RNGTT: variants seen among roughly 807,000 people sequenced by gnomAD.
The protein encoded by RNGTT is RNA guanylyltransferase and 5'-phosphatase.
In RNGTT, 33 loss-of-function variants were observed where a neutral mutation model predicts 79.3. The observed-to-expected ratio is 0.42, with a 90% CI of 0.32 to 0.56. The LOEUF (loss-of-function observed/expected upper bound fraction) is 0.56. Among genes scored for constraint, RNGTT ranks in the 20% least tolerant of loss-of-function variants. RNGTT has a pLI of 0.17. For missense variants in RNGTT, 497 were observed against 739.1 expected (o/e 0.67, Z 3.80); for synonymous variants, 222 against 235.9 (o/e 0.94, Z 0.54).
chr6:88,665,845 G>A (rs552673690), intron 14 of RNGTT, among the ~76,000 whole-genome samples: 7 of 152,324 alleles, frequency 4.6e-5, no homozygotes, highest in South Asian at 2.1e-4. Flanking sequence ...AGTCGGGTGC[G>A]TCAAAGGAAC....
chr6:88,727,945 G>A (rs1049241821), intron 13 of RNGTT, among the ~76,000 whole-genome samples: 4 of 152,076 alleles, frequency 2.6e-5, no homozygotes, highest in Admixed American at 2.0e-4. Flanking sequence ...CTCATCAAAG[G>A]GTGGAAAGAA....
At chr6:88,881,664 C>T (rs754051685) in intron 8 of RNGTT, among the ~76,000 whole-genome samples, 1 of 152,162 alleles carries the variant, frequency 6.6e-6, no homozygotes, top group Non-Finnish European at 1.5e-5. Context: ...CCCTGCCATA[C>T]CTGTCTCTTG....
rs745937608 is a variant in RNGTT, at chr6:88,853,772, T to C, written c.897-8A>G. On this transcript the variant is annotated splice_polypyrimidine_tract_variant and splice_region_variant and intron_variant, in intron 8 of 15. Transcript: ENST00000369485. ...TCAATCAACATCATGTACCTGTAAA[T>C]GAAACATTAAAAAGCTAATATTTAC... The C allele has an allele frequency of 9.3e-6, 14 of 1,513,064 alleles. 1 individual carries two copies. In the South Asian group the frequency reaches 1.4e-4, roughly 15 times the overall value. The allele number at this position is 1,513,064 out of a possible 1,614,324, so 93.7% of individuals were successfully genotyped here. A position where few individuals can be genotyped will look rare whatever the true frequency, so the allele number is the denominator to read the frequency against.
chr6:88,874,857 C>A (rs1451145997), intron 8 of RNGTT, among the ~76,000 whole-genome samples: 1 of 152,080 alleles, frequency 6.6e-6, no homozygotes, highest in African/African-American at 2.4e-5. Context: ...ATATCACACT[C>A]TTAAAATCAA....
rs189342860 is a variant in RNGTT at position 88,812,423 on chromosome 6, G to T, written c.1270-10791C>A. 1.1e-3 allele frequency among the ~76,000 whole-genome samples: 171 copies of T among 152,226 alleles called. 1 individual carries two copies. Among genetic ancestry groups the T allele is most frequent in the African/African-American group, 3.7e-3 (154 of 41,538 alleles). ...ACCACATCCTCATGGAACAATAAAAGTTCTTTTCATCAGATTTCTAATTAT... is the reference window on the plus strand; with the variant it reads ...ACCACATCCTCATGGAACAATAAAATTTCTTTTCATCAGATTTCTAATTAT... On this transcript the variant is annotated intron_variant, in intron 11 of 15. Coordinates refer to ENST00000369485, the MANE Select transcript of RNGTT (RefSeq NM_003800.5).
At chr6:88,698,260 A>AATATATATATGATATATATTTCATAT (rs1229457522) in intron 13 of RNGTT, among the ~76,000 whole-genome samples, 2 of 95,426 alleles carry the variant, frequency 2.1e-5, no homozygotes, top group African/African-American at 1.8e-4. Context: ...TATATATATA[A>AATATATATATGATATATATTTCATAT]ATATATATGA....
At chr6:88,656,027 C>T (rs1461205873) in intron 14 of RNGTT, among the ~76,000 whole-genome samples, 1 of 152,110 alleles carries the variant, frequency 6.6e-6, no homozygotes, top group East Asian at 1.9e-4. Flanking sequence ...TAAACTAGAA[C>T]ATATCTACAA....
chr6:88,678,356 G>T lies in RNGTT; in HGVS notation c.1503C>A (p.Ile501=). The T allele has an allele frequency of 6.3e-7, 1 of 1,578,774 alleles. No homozygotes were observed. The highest frequency in any genetic ancestry group is 1.2e-5 in the South Asian group (1 of 85,306). The change falls in exon 14 of 16, where the codon ATC becomes ATA. Residue 501 remains isoleucine, a synonymous_variant. Coordinates refer to ENST00000369485, the MANE Select transcript of RNGTT (RefSeq NM_003800.5). ...CACTGAAAATGAACAAACATACCTT[G>T]ATTTGTGCAAAGGGTCTTTCATAAC... ...VGGYERPFAQ[I]KVTKELKQYD... is the part of the protein sequence containing the mutation.
At chr6:88,949,476 C>G (rs1785171401) in intron 1 of RNGTT, among the ~76,000 whole-genome samples, 1 of 151,992 alleles carries the variant, frequency 6.6e-6, no homozygotes, top group Non-Finnish European at 1.5e-5. Flanking sequence ...ATTGGCCAGG[C>G]TGGTCTCGAA....
intron 14 of RNGTT, among the ~76,000 whole-genome samples, chr6:88,655,351 T>A (rs1015551368): frequency 6.6e-6 from 1 of 152,212 alleles, no homozygotes; most frequent in East Asian, 1.9e-4. Flanking sequence ...AGAAATGATG[T>A]CCAAGTGGAT....
At chr6:88,883,706 G>T (rs938858041) in intron 8 of RNGTT, among the ~76,000 whole-genome samples, 7 of 151,990 alleles carry the variant, frequency 4.6e-5, no homozygotes, top group African/African-American at 1.7e-4. Context: ...AGAAATATGA[G>T]AGAATTCTTC....
chr6:88,682,706 AAGCCC>A (rs1383769356), intron 13 of RNGTT, among the ~76,000 whole-genome samples: 1 of 152,164 alleles, frequency 6.6e-6, no homozygotes, highest in East Asian at 1.9e-4. Flanking sequence ...CCCAGGTATT[AAGCCC>A]AGCATCCACT....
intron 11 of RNGTT, among the ~76,000 whole-genome samples, chr6:88,832,923 C>T (rs1207203055): frequency 2.0e-5 from 3 of 151,744 alleles, no homozygotes; most frequent in Non-Finnish European, 4.4e-5. Flanking sequence ...AGTCAGGAAA[C>T]AACAGATGCT....
chr6:88,954,075 T>TA (rs959778786), intron 1 of RNGTT, among the ~76,000 whole-genome samples: 46 of 152,216 alleles, frequency 3.0e-4, no homozygotes, highest in South Asian at 6.2e-4. Flanking sequence ...AGAATTTTTT[T>TA]AAAAAAAGGT....
chr6:88,740,046 A>T (rs760323525), intron 13 of RNGTT, among the ~76,000 whole-genome samples: 1 of 151,970 alleles, frequency 6.6e-6, no homozygotes, highest in Non-Finnish European at 1.5e-5. Context: ...CCAGAGAAAC[A>T]AATTTTTCCT....
chr6:88,716,759 C>G (rs990124966), intron 13 of RNGTT, among the ~76,000 whole-genome samples: 3 of 151,964 alleles, frequency 2.0e-5, no homozygotes, highest in African/African-American at 7.3e-5. Flanking sequence ...TAGATGGGAA[C>G]TGAACAATGA....
chr6:88,872,420 T>C (rs1435051606), intron 8 of RNGTT, among the ~76,000 whole-genome samples: 1 of 151,804 alleles, frequency 6.6e-6, no homozygotes, highest in African/African-American at 2.4e-5. Context: ...CCCAGCTTAA[T>C]AGGTACAAAA....
intron 8 of RNGTT, among the ~76,000 whole-genome samples, chr6:88,867,241 G>A (rs1055926152): frequency 2.6e-5 from 4 of 152,076 alleles, no homozygotes; most frequent in Admixed American, 1.3e-4. Context: ...CCAGCACTTT[G>A]GGAAGCCAAG....
At chr6:88,945,874 T>C (rs1253650290) in intron 1 of RNGTT, among the ~76,000 whole-genome samples, 1 of 152,100 alleles carries the variant, frequency 6.6e-6, no homozygotes, top group South Asian at 2.1e-4. Context: ...ACTTTAGAAG[T>C]CACATGTTTA....
Sources: gnomAD v4.1 joint callset for allele counts (sites outside exome capture counted in the v4.1 genomes callset) on GRCh38, gnomAD v4.1.1 for gene constraint, MANE v1.5 for transcripts, NCBI Gene and HGNC (gene_info 2026-07-23, HGNC 2026-07-21) for gene names.